The following USB1 variants were observed in gnomAD, a reference collection of about 807,000 sequenced individuals.
USB1 encodes the protein U6 snRNA phosphodiesterase 1.
A neutral mutation model predicts 29.9 loss-of-function variants in USB1; 21 were observed. That is an observed-to-expected ratio of 0.70 (90% confidence interval 0.50 to 1.01). USB1 has a LOEUF of 1.01. Ranked by LOEUF, USB1 falls within the 50% of genes least tolerant of loss-of-function variation. The probability of loss-of-function intolerance (pLI) is 0.00; values close to 1 mark genes in which losing one functional copy is unlikely to be tolerated. For synonymous variants in USB1, 143 were observed against 134.9 expected (o/e 1.06, Z -0.42); for missense variants, 330 against 347.1 (o/e 0.95, Z 0.39).
At chr16:58,019,998 C>G in intron 6 of USB1, 143 bp from the exon 7 acceptor site, 2 of 753,306 alleles carry the variant, frequency 2.7e-6, no homozygotes, top group Non-Finnish European at 4.7e-6. Context: ...AGTGATCAGA[C>G]AAGATCACCA....
chr16:58,014,275 T>A lies in USB1; in HGVS notation c.452T>A (p.Phe151Tyr), dbSNP rs375204675. 23 of 1,613,206 alleles carry A rather than the reference T, an allele frequency of 1.4e-5. No homozygotes were observed. Among genetic ancestry groups the A allele is most frequent in the African/African-American group, 4.0e-5 (3 of 74,924 alleles). The change falls in exon 4 of 7, where the codon TTC becomes TAC. Residue 151 changes from phenylalanine (F) to tyrosine (Y), a missense_variant and splice_region_variant. Physicochemically the swap from Phe to Tyr is conservative, Grantham distance 22. Transcript: ENST00000219281. ...AAATATGGTCTTCTAAATTTCAGATTCTTCTTTACTGCCAACCAGGTAAAG... is the reference window on the plus strand; with the variant it reads ...AAATATGGTCTTCTAAATTTCAGATACTTCTTTACTGCCAACCAGGTAAAG... The part of the protein sequence containing the change: ...LKARMTSFHR[F>Y]FFTANQVKIY...
chr16:58,020,013 A>AGAGCCTG, intron 6 of USB1, 128 bp from the exon 7 acceptor site: 1 of 818,044 alleles, frequency 1.2e-6, no homozygotes. Context: ...TCACCAATGC[A>AGAGCCTG]GAGCCTGGAG....
chr16:58,002,838 C>A (rs760230592), intron 2 of USB1, among the ~76,000 whole-genome samples, 193 bp downstream of exon 2: 1 of 152,170 alleles, frequency 6.6e-6, no homozygotes, highest in South Asian at 2.1e-4. Flanking sequence ...GTTTTGAATT[C>A]GTAGCCTAAA....
chr16:58,020,446 T>C lies in USB1; in HGVS notation c.*201T>C, dbSNP rs1236810007. On this transcript the variant is annotated 3_prime_UTR_variant, in exon 7 of 7. Transcript: ENST00000219281. ...TCTTTCTCTTCCTCTTCTTTCTCTCTCTTCTCCTCTCTTTCTCTCCTCTGT... is the reference window on the plus strand; with the variant it reads ...TCTTTCTCTTCCTCTTCTTTCTCTCCCTTCTCCTCTCTTTCTCTCCTCTGT... The C allele has an allele frequency of 3.2e-6, 2 of 618,924 alleles. No individual in the cohort carries two copies. The highest frequency in any genetic ancestry group is 5.8e-6 in the Non-Finnish European group (2 of 344,422). 38.3% of individuals were successfully genotyped at this position (618,924 alleles called of 1,614,324 possible).
intron 3 of USB1, chr16:58,011,334 C>G (rs1053665613): frequency 7.9e-6 from 11 of 1,385,888 alleles, no homozygotes; most frequent in Non-Finnish European, 9.3e-6. Context: ...CAGCACACCA[C>G]TTGGGTGAAG....
At chr16:58,000,906 C>T (rs1309494900), upstream of USB1, among the ~76,000 whole-genome samples, 2 of 152,182 alleles carry the variant, frequency 1.3e-5, no homozygotes, top group African/African-American at 2.4e-5. The surrounding 1 kb of genome is among the most constrained non-coding windows in gnomAD (Gnocchi z 4.5). Context: ...CCACCCCGCT[C>T]GGGCTTAGGG....
At position 58,011,551 on chromosome 16, in the gene USB1, G is replaced by A. The variant is rs1180058707; in HGVS notation, c.449+1439G>A. 5.0e-6 allele frequency: 5 copies of A among 998,548 alleles called. No individual in the cohort carries two copies. In the South Asian group the frequency reaches 1.3e-4, roughly 26 times the overall value. 61.9% of individuals were successfully genotyped at this position (998,548 alleles called of 1,614,324 possible). A position where few individuals can be genotyped will look rare whatever the true frequency, so the allele number is the denominator to read the frequency against. On this transcript the variant is annotated intron_variant, in intron 3 of 6. Transcript: ENST00000219281. ...CTCCGTCCAGAGATCAGTCGGTCCT[G>A]TGGTTGTTTCACAGGTGACTCCTCT...
At chr16:58,012,641 G>A in intron 3 of USB1, 2 of 1,292,130 alleles carry the variant, frequency 1.5e-6, no homozygotes, top group Non-Finnish European at 2.0e-6. Context: ...CCCGTCTCCT[G>A]TGTGCTTTCT....
chr16:58,007,594 C>G (rs1963390322), intron 2 of USB1, among the ~76,000 whole-genome samples: 1 of 152,170 alleles, frequency 6.6e-6, no homozygotes, highest in South Asian at 2.1e-4. Flanking sequence ...GTTGGCCAGG[C>G]TGTTCTCAAA....
chr16:58,005,763 GTTC>G (rs1223371261), intron 2 of USB1, among the ~76,000 whole-genome samples: 1 of 152,060 alleles, frequency 6.6e-6, no homozygotes, highest in African/African-American at 2.4e-5. Context: ...CACTTACTTA[GTTC>G]TTCTTTGATT....
chr16:58,016,904 T>G, intron 4 of USB1: 5 of 249,656 alleles, frequency 2.0e-5, no homozygotes, highest in South Asian at 5.0e-5. Context: ...AGGGGAGAGT[T>G]TTTAAAGATG....
At chr16:58,018,455 C>A (rs1317585660) in intron 5 of USB1, among the ~76,000 whole-genome samples, 1 of 152,078 alleles carries the variant, frequency 6.6e-6, no homozygotes, top group African/African-American at 2.4e-5. Flanking sequence ...AACTCCTGAC[C>A]TCAGGTGATC....
intron 4 of USB1, chr16:58,015,687 G>A (rs566358189): frequency 6.6e-6 from 1 of 152,330 alleles, no homozygotes; most frequent in African/African-American, 2.4e-5. Context: ...GGTAGTCCAG[G>A]AGGGTACCAG....
intron 3 of USB1, chr16:58,011,587 C>G: frequency 1.0e-6 from 1 of 992,080 alleles, no homozygotes; most frequent in South Asian, 4.6e-5. Context: ...GTCCAGAGAT[C>G]AGTCGGTCCT....
At chr16:58,000,078 C>T (rs1963126822), upstream of USB1, among the ~76,000 whole-genome samples, 1 of 152,184 alleles carries the variant, frequency 6.6e-6, no homozygotes, top group Non-Finnish European at 1.5e-5. This position sits in a 1 kb window ranked among gnomAD's most constrained non-coding sequence, Gnocchi z 4.5. Context: ...CCCTGAGAAA[C>T]CGAATGAAAG....
chr16:58,009,832 G>A, intron 2 of USB1, 97 bp from the exon 3 acceptor site: 1 of 1,424,686 alleles, frequency 7.0e-7, no homozygotes, highest in Non-Finnish European at 9.9e-7. Flanking sequence ...CCCAAACCCA[G>A]AGTAATAAGG....
At chr16:58,014,215 T>A in intron 3 of USB1, 58 bp from the exon 4 acceptor site, 1 of 1,385,514 alleles carries the variant, frequency 7.2e-7, no homozygotes, top group South Asian at 1.2e-5. Context: ...TAACATAAGC[T>A]ATTTTTTCTG....
intron 5 of USB1, among the ~76,000 whole-genome samples, chr16:58,018,036 A>G (rs1316403146): frequency 6.6e-6 from 1 of 152,122 alleles, no homozygotes; most frequent in African/African-American, 2.4e-5. Context: ...TAGAGGGTGG[A>G]TTTTCTTTCA....
At chr16:58,003,373 G>A (rs1247863994) in intron 2 of USB1, among the ~76,000 whole-genome samples, 2 of 152,234 alleles carry the variant, frequency 1.3e-5, no homozygotes, top group African/African-American at 4.8e-5. Flanking sequence ...ACTGTGGTGT[G>A]CCAAGATCGC....
Sources: gnomAD v4.1 joint callset for allele counts (sites outside exome capture counted in the v4.1 genomes callset) on GRCh38, gnomAD v4.1.1 for gene constraint, Gnocchi (gnomAD v3.1) non-coding constraint, MANE v1.5 for transcripts, NCBI Gene and HGNC (gene_info 2026-07-23, HGNC 2026-07-21) for gene names.